NAV2: variants seen among roughly 807,000 people sequenced by gnomAD.
NAV2 encodes helicase, APC down-regulated 1.
In NAV2, 54 loss-of-function variants were observed where a neutral mutation model predicts 223.2. That is an observed-to-expected ratio of 0.24 (90% CI 0.19 to 0.30). The LOEUF (loss-of-function observed/expected upper bound fraction) is 0.30. Ranked by LOEUF, NAV2 falls within the 10% of genes least tolerant of loss-of-function variation. The probability of loss-of-function intolerance (pLI) is 1.00; values close to 1 mark genes in which losing one functional copy is unlikely to be tolerated. For missense variants in NAV2, 2,806 were observed against 3,147.5 expected (o/e 0.89, Z 2.60); for synonymous variants, 1,279 against 1,239.3 (o/e 1.03, Z -0.67).
chr11:19,743,550 C>A (rs1018896942), intron 1 of NAV2, among the ~76,000 whole-genome samples: 1 of 152,190 alleles, frequency 6.6e-6, no homozygotes, highest in Non-Finnish European at 1.5e-5. Flanking sequence ...GTTGTCAGTT[C>A]TAGGCATGAG....
intron 1 of NAV2, among the ~76,000 whole-genome samples, chr11:19,569,352 A>G (rs1199880070): frequency 6.6e-6 from 1 of 151,998 alleles, no homozygotes; most frequent in Admixed American, 6.6e-5. Flanking sequence ...TTCCTTGTCT[A>G]TTGTCTCTCT....
intron 3 of NAV2, among the ~76,000 whole-genome samples, chr11:19,861,538 C>T (rs1289019236): frequency 6.6e-6 from 1 of 152,182 alleles, no homozygotes; most frequent in Non-Finnish European, 1.5e-5. Context: ...ATGACAACCA[C>T]CACCCTAGGG....
rs141965030 is a variant in NAV2 at position 19,559,247 on chromosome 11, A to T, written c.75+208220A>T. On this transcript the variant is annotated intron_variant, in intron 1 of 37. Transcript: ENST00000360655. ...AGACTGAGGTGCCTCGGCTACAGAG[A>T]TTGTTCCCAAGATCACATGTCAGGT... is the stretch of plus-strand genomic sequence containing the variant. 3.0e-4 allele frequency among the ~76,000 whole-genome samples: 45 copies of T among 152,302 alleles called. 1 individual carries two copies. The East Asian group carries it at 7.9e-3, about 27-fold the overall frequency.
At chr11:20,060,781 C>G (rs1008279609) in intron 19 of NAV2, among the ~76,000 whole-genome samples, 2 of 152,216 alleles carry the variant, frequency 1.3e-5, no homozygotes, top group African/African-American at 4.8e-5. Flanking sequence ...GGCAGAGACT[C>G]TGAGGCAGGA....
At chr11:20,035,173 T>A (rs1445380154) in intron 11 of NAV2, among the ~76,000 whole-genome samples, 2 of 151,038 alleles carry the variant, frequency 1.3e-5, no homozygotes, top group African/African-American at 4.9e-5. Flanking sequence ...CCAGGCAGCA[T>A]TGACCGCACC....
intron 10 of NAV2, among the ~76,000 whole-genome samples, chr11:19,961,638 G>C (rs987186632): frequency 1.5e-4 from 23 of 152,186 alleles, no homozygotes; most frequent in Non-Finnish European, 7.3e-5. Flanking sequence ...TGGCAGCTGT[G>C]ACCATAGGGA....
chr11:19,994,367 C>G (rs1453064605), intron 11 of NAV2, among the ~76,000 whole-genome samples: 2 of 151,938 alleles, frequency 1.3e-5, no homozygotes, highest in East Asian at 3.9e-4. Flanking sequence ...GCCAACATGG[C>G]AAAACCCCGT....
Position 19,699,521 on chromosome 11 carries a change from T to G in NAV2, c.76-132963T>G, listed in dbSNP as rs184863805. Among the ~76,000 whole-genome samples the G allele has an allele frequency of 7.9e-4, 121 of 152,302 alleles. 1 individual carries two copies. Among genetic ancestry groups the G allele is most frequent in the African/African-American group, 2.7e-3 (113 of 41,572 alleles). ...GGTGGTCACTGAAAGCAAAGCCTGT[T>G]TTCCAAGAAAAGGCATCTCACTTGG... On this transcript the variant is annotated intron_variant, in intron 1 of 37. Transcript: ENST00000360655.
chr11:19,991,849 A>G (rs2051369192), intron 11 of NAV2, among the ~76,000 whole-genome samples: 1 of 152,014 alleles, frequency 6.6e-6, no homozygotes, highest in Non-Finnish European at 1.5e-5. Flanking sequence ...GGGTCAATCA[A>G]TTGACCCTCT....
chr11:19,678,721 C>T (rs1455825328), intron 1 of NAV2, among the ~76,000 whole-genome samples: 4 of 152,164 alleles, frequency 2.6e-5, no homozygotes, highest in African/African-American at 7.2e-5. Context: ...CATCATCTTC[C>T]GAGATACCAC....
rs747742157 is a variant in NAV2 at position 19,933,977 on chromosome 11, G to A, written c.1733G>A (p.Ser578Asn). The change falls in exon 7 of 38, where the codon AGT becomes AAT. Residue 578 changes from serine (S) to asparagine (N), a missense_variant. Coordinates refer to ENST00000349880, the MANE Select transcript of NAV2 (RefSeq NM_145117.5). The surrounding 1 kb of genome is among the most constrained non-coding windows in gnomAD (Gnocchi z 4.3). Reference protein sequence around the residue: ...GMKSMPGKSPSAPAPSKEGER... With the variant: ...GMKSMPGKSPNAPAPSKEGER... ...AAAAGCATGCCCGGGAAATCCCCAA[G>A]TGCCCCAGCGCCTTCCAAGGAAGGG... The A allele has an allele frequency of 4.4e-6, 7 of 1,596,836 alleles. No homozygotes were observed. Among genetic ancestry groups the A allele is most frequent in the Admixed American group, 1.8e-5 (1 of 56,646 alleles).
chr11:19,860,283 T>C (rs1590929847), intron 3 of NAV2, among the ~76,000 whole-genome samples: 1 of 117,454 alleles, frequency 8.5e-6, no homozygotes. Context: ...ACGGGGCGGC[T>C]GCCGGGCGGA....
intron 1 of NAV2, among the ~76,000 whole-genome samples, chr11:19,638,409 G>T (rs1458135509): frequency 6.6e-6 from 1 of 152,252 alleles, no homozygotes; most frequent in East Asian, 1.9e-4. Flanking sequence ...ATGTGAAGGA[G>T]TAAGACATAT....
chr11:19,414,840 T>C (rs1177364178), intron 1 of NAV2, among the ~76,000 whole-genome samples: 1 of 152,206 alleles, frequency 6.6e-6, no homozygotes, highest in Non-Finnish European at 1.5e-5. Flanking sequence ...TGCTCCTGAA[T>C]GACTACTGGG....
chr11:19,900,421 G>A (rs2042356418), intron 6 of NAV2, among the ~76,000 whole-genome samples: 1 of 152,188 alleles, frequency 6.6e-6, no homozygotes, highest in African/African-American at 2.4e-5. Flanking sequence ...CCAGAAGTAT[G>A]GCTCTGGCCA....
rs756411940 is a variant in NAV2 at position 19,534,153 on chromosome 11, A to G, written c.75+183126A>G. Among the ~76,000 whole-genome samples the G allele has an allele frequency of 5.3e-5, 8 of 152,144 alleles. No individual in the cohort carries two copies. The South Asian group carries it at 1.2e-3, about 24-fold the overall frequency. On this transcript the variant is annotated intron_variant, in intron 1 of 37. Transcript: ENST00000360655. ...CATAGGCCACCTTGCTTATCATTCC[A>G]GTTACTCCTTACTGCATCTCTCTGC... is the stretch of plus-strand genomic sequence containing the variant.
intron 2 of NAV2, among the ~76,000 whole-genome samples, chr11:19,833,014 A>G (rs888056994): frequency 1.3e-5 from 2 of 152,328 alleles, no homozygotes; most frequent in East Asian, 1.9e-4. Flanking sequence ...TGCCAACTCT[A>G]CTTGGGTCTG....
chr11:19,755,453 T>C (rs1590326191), intron 1 of NAV2, among the ~76,000 whole-genome samples: 1 of 152,282 alleles, frequency 6.6e-6, no homozygotes, highest in African/African-American at 2.4e-5. Flanking sequence ...CATAAGAAAA[T>C]ACCATGAACT....
At position 19,948,735 on chromosome 11, in the gene NAV2, G is replaced by A. The variant is rs1194818693; in HGVS notation, c.2300G>A (p.Ser767Asn). The A allele has an allele frequency of 6.2e-7, 1 of 1,600,260 alleles. No individual in the cohort carries two copies. The highest frequency in any genetic ancestry group is 1.3e-5 in the African/African-American group (1 of 74,582). ...TFDTNVTTEM[S>N]GRSILSLTGR... ...GACACCAATGTCACCACGGAGATGA[G>A]TGGCCGTAGCATACTCAGCTTGACA... The change falls in exon 10 of 38, where the codon AGT (serine) becomes AAT (asparagine). Residue 767 changes from serine (S) to asparagine (N), a missense_variant. Physicochemically the swap from Ser to Asn is conservative, Grantham distance 46 (BLOSUM62 1). This residue lies in a region of NAV2 where 1,167 missense variants were observed against 1,180.5 expected (regional missense o/e 0.99). Transcript: ENST00000349880.
Sources: gnomAD v4.1 joint callset for allele counts (sites outside exome capture counted in the v4.1 genomes callset) on GRCh38, gnomAD v4.1.1 for gene constraint, gnomAD v4.1.1 regional missense constraint, Gnocchi (gnomAD v3.1) non-coding constraint, MANE v1.5 for transcripts, NCBI Gene and HGNC (gene_info 2026-07-23, HGNC 2026-07-21) for gene names.